Variants in MICAL3 observed in about 807,000 individuals in gnomAD.
MICAL3 encodes microtubule associated monooxygenase, calponin and LIM domain containing 3, also known as [F-actin]-monooxygenase MICAL3.
Under a neutral mutation model 207.4 loss-of-function variants are expected in MICAL3, and 62 were observed. The ratio of observed to expected loss-of-function variants is 0.30; its 90% CI spans 0.24 to 0.37. MICAL3 has a LOEUF of 0.37. Among genes scored for constraint, MICAL3 ranks in the 10% least tolerant of loss-of-function variants. MICAL3 has a pLI of 1.00. For missense variants in MICAL3, 2,368 were observed against 2,635.6 expected, an observed-to-expected ratio of 0.90 and a Z score of 2.22; for synonymous variants, 1,077 against 1,069.3, an observed-to-expected ratio of 1.01 and a Z score of -0.14.
chr22:17,974,533 T>C (rs1258715895), intron 1 of MICAL3, among the ~76,000 whole-genome samples: 13 of 152,182 alleles, frequency 8.5e-5, no homozygotes, highest in African/African-American at 2.7e-4. Flanking sequence ...CAGACCAGCC[T>C]GGCCAACATG....
intron 7 of MICAL3, among the ~76,000 whole-genome samples, chr22:17,898,627 A>G (rs1176635589): frequency 6.6e-6 from 1 of 152,260 alleles, no homozygotes; most frequent in Non-Finnish European, 1.5e-5. Flanking sequence ...GGCCTGAATC[A>G]GCACAACTGG....
chr22:17,871,741 G>T, intron 17 of MICAL3, 96 bp downstream of exon 17: 1 of 1,133,880 alleles, frequency 8.8e-7, no homozygotes, highest in Non-Finnish European at 1.2e-6. Context: ...GACGCACATG[G>T]AATAAGGCAG....
chr22:17,827,923 A>ATACATG, intron 21 of MICAL3, 142 bp from the exon 22 acceptor site: 1 of 736,012 alleles, frequency 1.4e-6, no homozygotes, highest in Non-Finnish European at 2.2e-6. Flanking sequence ...AAGAACATGT[A>ATACATG]TGCACATGTA....
At chr22:17,999,763 T>TTA (rs1186255306) in intron 1 of MICAL3, among the ~76,000 whole-genome samples, 1 of 152,186 alleles carries the variant, frequency 6.6e-6, no homozygotes, top group African/African-American at 2.4e-5. Flanking sequence ...CAGGTCTGAG[T>TTA]TCTAAAGTAT....
intron 1 of MICAL3, among the ~76,000 whole-genome samples, chr22:17,991,219 A>G (rs1921646575): frequency 6.6e-6 from 1 of 152,242 alleles, no homozygotes; most frequent in South Asian, 2.1e-4. Flanking sequence ...AGGCAGAGCC[A>G]GGAGCACCTG....
Position 17,908,464 on chromosome 22 carries a change from C to A in MICAL3, c.-74-1578G>T, listed in dbSNP as rs540074736. Among the ~76,000 whole-genome samples, 9 of 152,248 alleles carry A rather than the reference C, an allele frequency of 5.9e-5. No individual in the cohort carries two copies. The South Asian group carries it at 1.9e-3, about 32-fold the overall frequency. On this transcript the variant is annotated intron_variant, in intron 1 of 31. Coordinates refer to ENST00000441493, the MANE Select transcript of MICAL3 (RefSeq NM_015241.3). ...CTGGGACTACAGGCACCCGCCACCACGCCCGGCTAATTTTTTGTATTTTTA... is the reference window on the plus strand; with the variant it reads ...CTGGGACTACAGGCACCCGCCACCAAGCCCGGCTAATTTTTTGTATTTTTA...
intron 16 of MICAL3, among the ~76,000 whole-genome samples, chr22:17,877,904 G>A (rs35186859): frequency 0.02 from 3,108 of 151,662 alleles, 51 homozygotes; most frequent in Non-Finnish European, 0.035. Flanking sequence ...CCAGGCTGGA[G>A]TGCAGTGGCG....
chr22:17,885,076 A>T (rs1602144132), intron 16 of MICAL3, among the ~76,000 whole-genome samples: 1 of 152,238 alleles, frequency 6.6e-6, no homozygotes, highest in African/African-American at 2.4e-5. Context: ...TCTTGTAAGA[A>T]GTCAGAGTGA....
At chr22:17,991,251 G>C (rs1012649775) in intron 1 of MICAL3, among the ~76,000 whole-genome samples, 1 of 152,120 alleles carries the variant, frequency 6.6e-6, no homozygotes, top group Non-Finnish European at 1.5e-5. Context: ...CTGCGTGTGT[G>C]TAAGTGCTGT....
chr22:17,794,799 G>T (rs376928551), intron 29 of MICAL3, among the ~76,000 whole-genome samples: 116 of 152,298 alleles, frequency 7.6e-4, no homozygotes, highest in African/African-American at 2.5e-3. Context: ...GACATCTCTA[G>T]ATCTGGGGTC....
At chr22:17,894,066 T>G (rs1169229312) in intron 10 of MICAL3, among the ~76,000 whole-genome samples, 162 bp from the exon 11 acceptor site, 2 of 152,086 alleles carry the variant, frequency 1.3e-5, no homozygotes. Flanking sequence ...TGAAATAAGG[T>G]GGGGTTTGAG....
chr22:17,959,058 C>A (rs1934774004), intron 1 of MICAL3, among the ~76,000 whole-genome samples: 1 of 137,158 alleles, frequency 7.3e-6, no homozygotes, highest in African/African-American at 2.8e-5. Flanking sequence ...CTCTGTTGCC[C>A]AGGCTGAAGT....
chr22:17,829,061 C>T (rs1922506454), intron 21 of MICAL3, among the ~76,000 whole-genome samples: 1 of 152,086 alleles, frequency 6.6e-6, no homozygotes, highest in East Asian at 1.9e-4. Context: ...TGTTGCTGGC[C>T]CTGCAAGCCG....
At chr22:17,885,539 T>A (rs1929791199) in intron 16 of MICAL3, among the ~76,000 whole-genome samples, 1 of 152,240 alleles carries the variant, frequency 6.6e-6, no homozygotes, top group East Asian at 1.9e-4. Context: ...ACTGTACTTT[T>A]CAGCATTTTC....
chr22:17,896,895 G>A lies in MICAL3; in HGVS notation c.1035C>T (p.Phe345=), dbSNP rs1266822843. 2 of 1,613,918 alleles carry A rather than the reference G, an allele frequency of 1.2e-6. No homozygotes were observed. Among genetic ancestry groups the A allele is most frequent in the African/African-American group, 2.7e-5 (2 of 74,922 alleles). The change falls in exon 8 of 32, where the codon TTC becomes TTT. Residue 345 remains phenylalanine, a synonymous_variant. Coordinates refer to ENST00000441493, the MANE Select transcript of MICAL3 (RefSeq NM_015241.3). ...LLSYAREAAD[F]STQQQLPSLD... ...GAGACGGCAGCTGCTGCTGGGTAGAGAAGTCTGCCGCCTCCCTGGCATAGC... is the reference window on the plus strand; with the variant it reads ...GAGACGGCAGCTGCTGCTGGGTAGAAAAGTCTGCCGCCTCCCTGGCATAGC...
rs2146020025 is a variant in MICAL3 at position 17,822,011 on chromosome 22, CCATCAAAGACAGGCT to C, written c.3448+4_3448+18del. ...GTAGGAATTCTGAAAGTTGTTTCTC[CCATCAAAGACAGGCT>C]CACCTCTCTCTTGGTGCTTCGGTGA... On this transcript the variant is annotated splice_donor_5th_base_variant and intron_variant, in intron 24 of 31. Coordinates refer to ENST00000441493, the MANE Select transcript of MICAL3 (RefSeq NM_015241.3). The C allele has an allele frequency of 1.2e-6, 2 of 1,611,990 alleles. No homozygotes were observed. The highest frequency in any genetic ancestry group is 1.7e-6 in the Non-Finnish European group (2 of 1,179,036).
chr22:17,865,884 C>T (rs188189697), intron 18 of MICAL3, 40 bp downstream of exon 18: 316 of 1,529,200 alleles, frequency 2.1e-4, no homozygotes, highest in Non-Finnish European at 2.7e-4. Context: ...TGCTGCAACA[C>T]CCACTGCTTC....
At chr22:17,990,922 T>C (rs1367731137) in intron 1 of MICAL3, among the ~76,000 whole-genome samples, 1 of 152,232 alleles carries the variant, frequency 6.6e-6, no homozygotes, top group Non-Finnish European at 1.5e-5. Flanking sequence ...ATGATCTATA[T>C]GCCCTGCTGG....
chr22:17,864,638 C>G, intron 19 of MICAL3: 1 of 1,583,778 alleles, frequency 6.3e-7, no homozygotes, highest in South Asian at 1.1e-5. Context: ...GCTCTGCCGC[C>G]CACCGGACGG....
Sources: gnomAD v4.1 joint callset for allele counts (sites outside exome capture counted in the v4.1 genomes callset) on GRCh38, gnomAD v4.1.1 for gene constraint, MANE v1.5 for transcripts, NCBI Gene and HGNC (gene_info 2026-07-23, HGNC 2026-07-21) for gene names.